The following MYH11 variants were observed in gnomAD, a reference collection of about 807,000 sequenced individuals.
MYH11 encodes the protein myosin-11.
In MYH11, 80 loss-of-function variants were observed where a neutral mutation model predicts 246.6. The ratio of observed to expected loss-of-function variants is 0.32; its 90% CI spans 0.27 to 0.39. MYH11 has a LOEUF of 0.39. MYH11 is among the 10% of genes least tolerant of loss of function. MYH11 has a pLI of 1.00. For missense variants in MYH11, 2,158 were observed against 2,546.8 expected (o/e 0.85, Z 3.29); for synonymous variants, 1,071 against 1,015.5 (o/e 1.05, Z -1.04).
At position 15,777,524 on chromosome 16, in the gene MYH11, C is replaced by G. The variant is rs1049372566; in HGVS notation, c.790+1256G>C. Reference sequence around the variant, plus strand: ...AAAAGGAAGGCTGAGGCCAGAAGGACGGGGCTATGCCTGGGGCTCGCTCTA... The same window carrying G: ...AAAAGGAAGGCTGAGGCCAGAAGGAGGGGGCTATGCCTGGGGCTCGCTCTA... On this transcript the variant is annotated intron_variant, in intron 7 of 40. Transcript: ENST00000300036. Among the ~76,000 whole-genome samples the G allele has an allele frequency of 2.6e-5, 4 of 152,074 alleles. No individual in the cohort carries two copies. In the East Asian group the frequency reaches 7.7e-4, roughly 29 times the overall value.
intron 11 of MYH11, 108 bp downstream of exon 11, chr16:15,760,432 C>A: frequency 1.1e-6 from 1 of 899,292 alleles, no homozygotes; most frequent in South Asian, 1.3e-5. Flanking sequence ...AGAGGCAGAC[C>A]ATGGGTGAAT....
intron 26 of MYH11, 97 bp downstream of exon 26, chr16:15,735,269 G>A (rs536819104): frequency 7.5e-7 from 1 of 1,325,536 alleles, no homozygotes; most frequent in African/African-American, 1.4e-5. Flanking sequence ...AATGCACAGG[G>A]GCTGATGCAC....
chr16:15,718,015 G>T, intron 37 of MYH11: 1 of 491,416 alleles, frequency 2.0e-6, no homozygotes, highest in Non-Finnish European at 3.7e-6. Context: ...TCAGCTAGGG[G>T]AAAACGCAAT....
At chr16:15,770,441 G>A (rs761792134) in intron 9 of MYH11, among the ~76,000 whole-genome samples, 1 of 152,128 alleles carries the variant, frequency 6.6e-6, no homozygotes, top group Non-Finnish European at 1.5e-5. Context: ...AAGGAAAATC[G>A]TTTCTGGAAA....
rs10593456 is a variant in MYH11 at position 15,759,196 on chromosome 16, C to CTTTT, written c.1401+376_1401+379dup. 2.3e-3 allele frequency among the ~76,000 whole-genome samples: 277 copies of CTTTT among 119,386 alleles called. 1 individual carries two copies. The highest frequency in any genetic ancestry group is 8.1e-3 in the African/African-American group (257 of 31,910). The allele number at this position is 119,386 out of a possible 152,430, so 78.3% of individuals were successfully genotyped here. On this transcript the variant is annotated intron_variant, in intron 12 of 40. Transcript: ENST00000300036. ...GGAACTGTTAGAAAAGAGATATGTG[C>CTTTT]TTTTTTTTTTTTTTTTTTTTTACCA...
rs891556237 is a variant in MYH11, at chr16:15,787,953, G to C, written c.531-1221C>G. Among the ~76,000 whole-genome samples the C allele has an allele frequency of 2.0e-5, 3 of 151,920 alleles. No homozygotes were observed. The East Asian group carries it at 5.8e-4, about 29-fold the overall frequency. ...GAAGCTGGCTGATGATCTCAGCCAA[G>C]TATCTAAGAATAAACCCAGTTGAAG... On this transcript the variant is annotated intron_variant, in intron 4 of 40. Transcript: ENST00000300036.
chr16:15,747,196 C>G (rs2041441282), intron 19 of MYH11, among the ~76,000 whole-genome samples: 1 of 152,132 alleles, frequency 6.6e-6, no homozygotes, highest in African/African-American at 2.4e-5. Context: ...GAGAACCACG[C>G]ACTGTTCTAA....
intron 13 of MYH11, among the ~76,000 whole-genome samples, chr16:15,756,717 TG>T (rs966005910): frequency 3.3e-5 from 5 of 151,804 alleles, no homozygotes; most frequent in South Asian, 4.1e-4. Context: ...GTAACAGGGA[TG>T]GAAGGCAGAA....
chr16:15,755,862 G>A (rs908198040), intron 14 of MYH11, among the ~76,000 whole-genome samples: 5 of 152,174 alleles, frequency 3.3e-5, no homozygotes, highest in African/African-American at 1.2e-4. Context: ...AACCCGGAGG[G>A]AGAGGTTGCA....
At chr16:15,729,677 A>G (rs1042993835) in intron 27 of MYH11, among the ~76,000 whole-genome samples, 2 of 152,006 alleles carry the variant, frequency 1.3e-5, no homozygotes, top group Admixed American at 6.5e-5. Context: ...CAGCCTCCCA[A>G]GTAGCTGGGA....
In MYH11 at chr16:15,735,550, T is replaced by C. The variant is rs1451959711; in HGVS notation, c.3322A>G (p.Asn1108Asp). 8.7e-6 allele frequency: 14 copies of C among 1,614,174 alleles called. No individual in the cohort carries two copies. The highest frequency in any genetic ancestry group is 1.3e-5 in the African/African-American group (1 of 75,048). Reference sequence around the variant, plus strand: ...AGCTCCCGGATCTTCTTCAGGGCATTGTTCTTCTGAGCGATTTCATCGTCA... The same window carrying C: ...AGCTCCCGGATCTTCTTCAGGGCATCGTTCTTCTGAGCGATTTCATCGTCA... ...RLDDEIAQKN[N>D]ALKKIRELEG... is the part of the protein sequence containing the mutation. The change falls in exon 26 of 41, where the codon AAT (asparagine) becomes GAT (aspartate). Residue 1108 changes from asparagine to aspartate, a missense_variant. This residue lies in a region of MYH11 where 284 missense variants were observed against 315.4 expected (regional missense o/e 0.90). Transcript: ENST00000300036.
At chr16:15,721,361 G>A in intron 32 of MYH11, 61 bp downstream of exon 32, 3 of 1,554,910 alleles carry the variant, frequency 1.9e-6, no homozygotes, top group Non-Finnish European at 2.7e-6. Context: ...ATGGACTGGT[G>A]AATAGCACAG....
intron 4 of MYH11, chr16:15,792,837 C>A (rs1473636443): frequency 1.3e-5 from 2 of 151,976 alleles, no homozygotes; most frequent in African/African-American, 4.8e-5. Context: ...GCTCAGTGAA[C>A]CGAGATCCTC....
chr16:15,850,055 G>A (rs532958174), intron 1 of MYH11, among the ~76,000 whole-genome samples: 1 of 152,274 alleles, frequency 6.6e-6, no homozygotes, highest in Admixed American at 6.5e-5. Context: ...GAACTCAGGG[G>A]CAAAAGATCT....
intron 38 of MYH11, among the ~76,000 whole-genome samples, chr16:15,716,472 G>A (rs944577699): frequency 1.3e-5 from 2 of 152,120 alleles, no homozygotes; most frequent in Non-Finnish European, 2.9e-5. Flanking sequence ...GGCTTCCAGT[G>A]TGTGTACCAA....
chr16:15,815,333 T>C (rs982019283), intron 3 of MYH11, among the ~76,000 whole-genome samples: 2 of 152,172 alleles, frequency 1.3e-5, no homozygotes, highest in Admixed American at 6.5e-5. Context: ...AGAAACAGGA[T>C]ATTGCAACCA....
At chr16:15,796,334 T>C (rs925316553) in intron 4 of MYH11, among the ~76,000 whole-genome samples, 2 of 152,192 alleles carry the variant, frequency 1.3e-5, no homozygotes, top group East Asian at 1.9e-4. Flanking sequence ...GCTGATGGCA[T>C]GGGTGCTGGA....
chr16:15,744,214 G>A (rs1056764975), intron 20 of MYH11, among the ~76,000 whole-genome samples: 5 of 151,226 alleles, frequency 3.3e-5, no homozygotes, highest in Admixed American at 6.6e-5. Context: ...TTTTTGAGAC[G>A]GAGTCTCGCT....
intron 8 of MYH11, among the ~76,000 whole-genome samples, chr16:15,774,183 G>A (rs1004063357): frequency 2.6e-5 from 4 of 152,222 alleles, no homozygotes; most frequent in African/African-American, 9.7e-5. Context: ...CCTGATTCAA[G>A]TCACGAGGAT....
Sources: allele counts gnomAD v4.1 joint callset (sites outside exome capture counted in the v4.1 genomes callset), GRCh38; gene constraint gnomAD v4.1.1; regional missense constraint gnomAD v4.1.1; transcripts MANE v1.5; gene names NCBI Gene and HGNC (gene_info 2026-07-23, HGNC 2026-07-21).